The following ZNF324B variants were observed in gnomAD, a reference collection of about 807,000 sequenced individuals.
ZNF324B encodes zinc finger protein 324B.
In ZNF324B, 7 loss-of-function variants were observed where a neutral mutation model predicts 10.6. The ratio of observed to expected loss-of-function variants is 0.66; its 90% CI spans 0.38 to 1.24. The LOEUF is 1.24. Among genes scored for constraint, ZNF324B ranks in the 50% most tolerant of loss-of-function variants. The pLI, the probability that ZNF324B is intolerant of heterozygous loss-of-function variation, is 0.02. For synonymous variants in ZNF324B, 316 were observed against 321.0 expected (o/e 0.98, Z 0.17); for missense variants, 640 against 764.7 (o/e 0.84, Z 1.92).
chr19:58,419,935 C>T, the ZNF324B span, among the ~76,000 whole-genome samples: 1 of 152,188 alleles, frequency 6.6e-6, no homozygotes, highest in Non-Finnish European at 1.5e-5. Context: ...ACCTCAGCCT[C>T]CTGAGTAGCA....
rs955490063 is a variant in ZNF324B at position 58,456,090 on chromosome 19, G to A, written c.1146G>A (p.Ser382=). ...AQCGRRFCRN[S]HLIQHERTHT... ...GTGGCCGCCGCTTCTGCCGCAACTC[G>A]CACCTGATCCAGCACGAGCGTACGC... The change falls in exon 4 of 4, where the codon TCG becomes TCA. Residue 382 remains serine (S), a synonymous_variant. Transcript: ENST00000336614. The surrounding 1 kb of genome is among the most constrained non-coding windows in gnomAD (Gnocchi z 4.7). 7 of 1,612,386 alleles carry A rather than the reference G, an allele frequency of 4.3e-6. No homozygotes were observed. Among genetic ancestry groups the A allele is most frequent in the Non-Finnish European group, 5.9e-6 (7 of 1,179,890 alleles).
chr19:58,436,057 C>T, the ZNF324B span, among the ~76,000 whole-genome samples: 1 of 152,156 alleles, frequency 6.6e-6, no homozygotes, highest in Admixed American at 6.5e-5. Flanking sequence ...TGATGAACTT[C>T]AAAAACATGC....
At chr19:58,442,179 T>TTTTTTTTTTG in the ZNF324B span, 2 of 135,280 alleles carry the variant, frequency 1.5e-5, no homozygotes, top group Non-Finnish European at 1.5e-5. Flanking sequence ...TTTTTTTTTT[T>TTTTTTTTTTG]GAGACGGAGT....
At chr19:58,433,223 G>A in the ZNF324B span, 602 of 1,266,396 alleles carry the variant, frequency 4.8e-4, 8 homozygotes, top group African/African-American at 8.2e-3. Flanking sequence ...TTCCACATTA[G>A]CAGTACATGT....
At chr19:58,433,900 T>C in the ZNF324B span, 1 of 1,614,192 alleles carries the variant, frequency 6.2e-7, no homozygotes, top group African/African-American at 1.3e-5. Context: ...GCTGCACTCA[T>C]AAGGCCTTTG....
upstream of ZNF324B, among the ~76,000 whole-genome samples, chr19:58,451,348 G>T (rs955614627): frequency 1.3e-5 from 2 of 152,250 alleles, no homozygotes; most frequent in African/African-American, 4.8e-5. Flanking sequence ...CTGCTTAGGT[G>T]GGTGCCAGGA....
At chr19:58,437,727 T>A in the ZNF324B span, 1 of 985,374 alleles carries the variant, frequency 1.0e-6, no homozygotes, top group African/African-American at 1.7e-5. Context: ...ATGGCATACC[T>A]GACAGATGCA....
chr19:58,435,478 T>TA, the ZNF324B span: 1 of 374,060 alleles, frequency 2.7e-6, no homozygotes, highest in East Asian at 4.6e-5. Flanking sequence ...TAAAAGAAGA[T>TA]ATATACACAA....
At chr19:58,433,341 A>G in the ZNF324B span, 1 of 1,612,946 alleles carries the variant, frequency 6.2e-7, no homozygotes, top group Non-Finnish European at 8.5e-7. Flanking sequence ...GAATCTTTTT[A>G]TGCTGTGCAA....
At chr19:58,437,085 C>T in the ZNF324B span, 1 of 1,614,146 alleles carries the variant, frequency 6.2e-7, no homozygotes, top group Non-Finnish European at 8.5e-7. Context: ...CAGCATCACA[C>T]TGTGGTACAG....
chr19:58,435,013 CAT>C, the ZNF324B span: 1 of 1,614,070 alleles, frequency 6.2e-7, no homozygotes, highest in Non-Finnish European at 8.5e-7. Context: ...ACATGCTCCA[CAT>C]GTGTAGGGTT....
chr19:58,425,553 C>G, the ZNF324B span, among the ~76,000 whole-genome samples: 1 of 151,190 alleles, frequency 6.6e-6, no homozygotes, highest in Non-Finnish European at 1.5e-5. Flanking sequence ...TCATTGCAAC[C>G]TCTGCCTGCC....
intron 1 of ZNF324B, chr19:58,453,396 C>G (rs1199143294): frequency 6.2e-6 from 3 of 484,460 alleles, no homozygotes; most frequent in Non-Finnish European, 7.6e-6. Flanking sequence ...CATGCTGAGT[C>G]ACGAGTGGAT....
chr19:58,427,455 TTCC>T, the ZNF324B span, among the ~76,000 whole-genome samples: 5 of 70,824 alleles, frequency 7.1e-5, no homozygotes, highest in African/African-American at 1.8e-4. Context: ...TTCCTTTCCC[TTCC>T]TTCCTTCCTT....
chr19:58,455,221 G>A lies in ZNF324B; in HGVS notation c.277G>A (p.Glu93Lys). Residue 93 changes from glutamate (E) to lysine (K), a missense_variant, in exon 4 of 4, where the codon GAA becomes AAA. Glu to Lys is a moderately conservative substitution (Grantham distance 56, BLOSUM62 1). Coordinates refer to ENST00000336614, the MANE Select transcript of ZNF324B (RefSeq NM_207395.3). This position sits in a 1 kb window ranked among gnomAD's most constrained non-coding sequence, Gnocchi z 7.0. Reference sequence around the variant, plus strand: ...GACAGAGGATAGAGATGTTTCTGGAGAATGGCCACGAGCTTTCCCAGATAC... The same window carrying A: ...GACAGAGGATAGAGATGTTTCTGGAAAATGGCCACGAGCTTTCCCAGATAC... ...SLTEDRDVSGEWPRAFPDTPP... is the reference protein window; with the variant it reads ...SLTEDRDVSGKWPRAFPDTPP... 3 of 1,614,192 alleles carry A rather than the reference G, an allele frequency of 1.9e-6. No homozygotes were observed. The highest frequency in any genetic ancestry group is 2.5e-6 in the Non-Finnish European group (3 of 1,180,046).
chr19:58,428,877 T>G, the ZNF324B span: 1 of 152,356 alleles, frequency 6.6e-6, no homozygotes, highest in African/African-American at 2.4e-5. Context: ...GCCTGCCTAC[T>G]GAGTTTTATA....
the ZNF324B span, among the ~76,000 whole-genome samples, chr19:58,426,226 G>A: frequency 1.3e-5 from 2 of 152,184 alleles, no homozygotes; most frequent in African/African-American, 2.4e-5. Context: ...CACAAGAGGC[G>A]AGTCTGGAAA....
intron 1 of ZNF324B, chr19:58,452,497 G>C (rs1380014239): frequency 6.5e-6 from 1 of 153,958 alleles, no homozygotes; most frequent in Non-Finnish European, 1.4e-5. Context: ...GGGCGACCAG[G>C]TGAATTCTGG....
the ZNF324B span, chr19:58,444,778 T>C: frequency 2.0e-3 from 300 of 152,344 alleles, 1 homozygote; most frequent in Non-Finnish European, 3.5e-3. Context: ...TGCAAGTGTA[T>C]TATGAGCATG....
Sources: gnomAD v4.1 joint callset for allele counts (sites outside exome capture counted in the v4.1 genomes callset) on GRCh38, gnomAD v4.1.1 for gene constraint, Gnocchi (gnomAD v3.1) non-coding constraint, MANE v1.5 for transcripts, NCBI Gene and HGNC (gene_info 2026-07-23, HGNC 2026-07-21) for gene names.